NOS1AP: variants seen among roughly 807,000 people sequenced by gnomAD.
NOS1AP encodes carboxyl-terminal PDZ ligand of neuronal nitric oxide synthase protein.
NOS1AP carries 21 observed loss-of-function variants against 56.2 expected under a neutral mutation model. The ratio of observed to expected loss-of-function variants is 0.37; its 90% CI spans 0.26 to 0.54. The LOEUF is 0.54. Among genes scored for constraint, NOS1AP ranks in the 20% least tolerant of loss-of-function variants. The pLI is 0.84. For synonymous variants in NOS1AP, 270 were observed against 274.6 expected (o/e 0.98, Z 0.17); for missense variants, 522 against 657.8 (o/e 0.79, Z 2.26).
chr1:162,073,744 ACCACTGCGCCCGG>A (rs1691711197), intron 1 of NOS1AP, among the ~76,000 whole-genome samples: 1 of 152,202 alleles, frequency 6.6e-6, no homozygotes, highest in African/African-American at 2.4e-5. Context: ...ACAGGCGTGA[ACCACTGCGCCCGG>A]CTCAAACTTT....
At chr1:162,144,323 T>G (rs1179062559) in intron 1 of NOS1AP, among the ~76,000 whole-genome samples, 1 of 152,260 alleles carries the variant, frequency 6.6e-6, no homozygotes, top group Non-Finnish European at 1.5e-5. Context: ...TGGTTCTGAT[T>G]CTGCCACTCA....
chr1:162,311,740 A>G (rs1400612164), intron 4 of NOS1AP, among the ~76,000 whole-genome samples: 1 of 119,162 alleles, frequency 8.4e-6, no homozygotes, highest in African/African-American at 3.2e-5. Flanking sequence ...CCCTCCCCCC[A>G]CCCCACAACA....
At position 162,212,623 on chromosome 1, in the gene NOS1AP, A is replaced by C. The variant is rs1571131832; in HGVS notation, c.177+58147A>C. On this transcript the variant is annotated intron_variant, in intron 2 of 9. Coordinates refer to ENST00000361897, the MANE Select transcript of NOS1AP (RefSeq NM_014697.3). ...GTGGTAAGGGATATAGGATAAGAAC[A>C]GGGGTAATTGTAAAAGCTTCGGGAT... Among the ~76,000 whole-genome samples the C allele has an allele frequency of 2.0e-5, 3 of 152,262 alleles. No homozygotes were observed. The East Asian group carries it at 5.8e-4, about 29-fold the overall frequency.
At chr1:162,087,393 C>T (rs546749282) in intron 1 of NOS1AP, among the ~76,000 whole-genome samples, 2 of 152,210 alleles carry the variant, frequency 1.3e-5, no homozygotes, top group South Asian at 4.1e-4. Context: ...TTCTCATTTA[C>T]ACTTTTTTCA....
intron 4 of NOS1AP, among the ~76,000 whole-genome samples, chr1:162,329,156 G>A (rs1225163822): frequency 6.6e-6 from 1 of 152,136 alleles, no homozygotes; most frequent in Admixed American, 6.5e-5. Context: ...CTGCAGAAAG[G>A]TTTATTACTG....
chr1:162,072,774 C>G (rs546569859), intron 1 of NOS1AP, among the ~76,000 whole-genome samples: 2 of 152,324 alleles, frequency 1.3e-5, no homozygotes, highest in Admixed American at 1.3e-4. Flanking sequence ...TGGTAAGAGC[C>G]TTCTCTGGCT....
chr1:162,227,244 C>A (rs1338615261), intron 2 of NOS1AP, among the ~76,000 whole-genome samples: 2 of 152,118 alleles, frequency 1.3e-5, no homozygotes, highest in African/African-American at 4.8e-5. Flanking sequence ...ATAAATTTTT[C>A]ACACATATGA....
intron 2 of NOS1AP, among the ~76,000 whole-genome samples, chr1:162,257,757 C>T (rs1478787815): frequency 1.3e-5 from 2 of 152,086 alleles, no homozygotes; most frequent in Non-Finnish European, 2.9e-5. Flanking sequence ...GAGAAGTGTC[C>T]ATTGGCTACA....
chr1:162,260,049 A>G (rs1457117711), intron 2 of NOS1AP, among the ~76,000 whole-genome samples: 1 of 152,178 alleles, frequency 6.6e-6, no homozygotes, highest in Non-Finnish European at 1.5e-5. Flanking sequence ...TTCTATGGAA[A>G]CAATGATGTC....
intron 2 of NOS1AP, among the ~76,000 whole-genome samples, chr1:162,241,052 G>A (rs1207547853): frequency 6.6e-6 from 1 of 152,152 alleles, no homozygotes; most frequent in Non-Finnish European, 1.5e-5. Context: ...GCTAGAGGCA[G>A]GGGAGCCTTT....
In NOS1AP at chr1:162,070,224, T is replaced by C; in HGVS notation, c.47T>C (p.Leu16Pro). 1 of 1,614,068 alleles carries C rather than the reference T, an allele frequency of 6.2e-7. No homozygotes were observed. Among genetic ancestry groups the C allele is most frequent in the Non-Finnish European group, 8.5e-7 (1 of 1,179,962 alleles). The stretch of plus-strand genomic sequence containing the variant: ...AACCTTGTGGACGATGGGCACGACC[T>C]GCGGATCCCCTTGCACAACGAGGAC... ...KYNLVDDGHD[L>P]RIPLHNEDAF... Residue 16 changes from leucine (L) to proline (P), a missense_variant, in exon 1 of 10, where the codon CTG becomes CCG. Physicochemically the swap from Leu to Pro is moderately conservative, Grantham distance 98. This residue lies in a region of NOS1AP where 132 missense variants were observed against 218.1 expected (regional missense o/e 0.61). Transcript: ENST00000361897.
intron 2 of NOS1AP, among the ~76,000 whole-genome samples, chr1:162,225,844 T>C (rs951325846): frequency 3.9e-5 from 6 of 152,234 alleles, no homozygotes; most frequent in African/African-American, 1.4e-4. Flanking sequence ...GGCCCTATAG[T>C]CACCTCTACT....
Position 162,367,130 on chromosome 1 carries a change from A to G in NOS1AP, c.1184A>G (p.Lys395Arg). Residue 395 changes from lysine (K) to arginine (R), a missense_variant, in exon 10 of 10, where the codon AAG (lysine) becomes AGG (arginine). Transcript: ENST00000361897. The surrounding 1 kb of genome is among the most constrained non-coding windows in gnomAD (Gnocchi z 6.5). ...GTGCTCTGTGACCCCACGACCCCTA[A>G]GCCAGAGGACCTGCATTCGCCGCCG... is the stretch of plus-strand genomic sequence containing the variant. ...LPVLCDPTTPKPEDLHSPPLG... is the reference protein window; with the variant it reads ...LPVLCDPTTPRPEDLHSPPLG... The G allele has an allele frequency of 3.1e-6, 5 of 1,613,854 alleles. No homozygotes were observed. Among genetic ancestry groups the G allele is most frequent in the Middle Eastern group, 1.6e-4 (1 of 6,062 alleles).
In NOS1AP at chr1:162,124,522, C is replaced by T. The variant is rs555481232; in HGVS notation, c.106-29883C>T. On this transcript the variant is annotated intron_variant, in intron 1 of 9. Coordinates refer to ENST00000361897, the MANE Select transcript of NOS1AP (RefSeq NM_014697.3). ...GTGTGTGTGTGACACACACACACACCGTATTTTCTTTTTCTTTGAGATGGA... is the reference window on the plus strand; with the variant it reads ...GTGTGTGTGTGACACACACACACACTGTATTTTCTTTTTCTTTGAGATGGA... Among the ~76,000 whole-genome samples, 9 of 147,614 alleles carry T rather than the reference C, an allele frequency of 6.1e-5. No individual in the cohort carries two copies. In the South Asian group the frequency reaches 1.1e-3, roughly 17 times the overall value.
chr1:162,197,942 A>G (rs891981123), intron 2 of NOS1AP, among the ~76,000 whole-genome samples: 23 of 152,176 alleles, frequency 1.5e-4, no homozygotes, highest in Non-Finnish European at 1.3e-4. Context: ...AGCACATGCA[A>G]AGGAGGTATG....
intron 2 of NOS1AP, among the ~76,000 whole-genome samples, chr1:162,218,750 G>A (rs1652666887): frequency 6.6e-6 from 1 of 152,002 alleles, no homozygotes; most frequent in South Asian, 2.1e-4. Flanking sequence ...GGAGTGTCCC[G>A]GGCACCCTGT....
At chr1:162,103,859 C>G (rs1372843653) in intron 1 of NOS1AP, among the ~76,000 whole-genome samples, 1 of 152,188 alleles carries the variant, frequency 6.6e-6, no homozygotes. Flanking sequence ...GCTCTTCATG[C>G]AGCTTGCCAT....
intron 1 of NOS1AP, among the ~76,000 whole-genome samples, chr1:162,118,727 G>A (rs1455388144): frequency 3.9e-5 from 6 of 152,098 alleles, no homozygotes; most frequent in Non-Finnish European, 7.3e-5. Context: ...ATATATATTA[G>A]TCAATTGATG....
chr1:162,086,231 A>AT (rs1691998704), intron 1 of NOS1AP, among the ~76,000 whole-genome samples: 1 of 152,112 alleles, frequency 6.6e-6, no homozygotes, highest in African/African-American at 2.4e-5. Context: ...GTTTTAAAAC[A>AT]TCCTTAGCAG....
Sources: allele counts gnomAD v4.1 joint callset (sites outside exome capture counted in the v4.1 genomes callset), GRCh38; gene constraint gnomAD v4.1.1; regional missense constraint gnomAD v4.1.1; non-coding constraint Gnocchi (gnomAD v3.1); transcripts MANE v1.5; gene names NCBI Gene and HGNC (gene_info 2026-07-23, HGNC 2026-07-21).